ECT2L: variants seen among roughly 807,000 people sequenced by gnomAD.
The protein encoded by ECT2L is epithelial cell-transforming sequence 2 oncogene-like.
Under a neutral mutation model 122.8 loss-of-function variants are expected in ECT2L, and 126 were observed. The observed-to-expected ratio is 1.03, with a 90% CI of 0.89 to 1.19. ECT2L has a LOEUF of 1.19. Among genes scored for constraint, ECT2L ranks in the 50% most tolerant of loss-of-function variants. The probability of loss-of-function intolerance (pLI) is 0.00; values close to 1 mark genes in which losing one functional copy is unlikely to be tolerated. For synonymous variants in ECT2L, 385 were observed against 381.8 expected (o/e 1.01, Z -0.10); for missense variants, 1,012 against 1,064.1 (o/e 0.95, Z 0.68).
intron 4 of ECT2L, among the ~76,000 whole-genome samples, chr6:138,825,919 TGA>T (rs1776432166): frequency 6.6e-6 from 1 of 152,224 alleles, no homozygotes; most frequent in Non-Finnish European, 1.5e-5. Context: ...AACACCCAGT[TGA>T]ACTTATCGCC....
At chr6:138,897,719 G>T (rs1226851219) in intron 20 of ECT2L, among the ~76,000 whole-genome samples, 1 of 152,134 alleles carries the variant, frequency 6.6e-6, no homozygotes, top group African/African-American at 2.4e-5. Context: ...CTCATTGTGT[G>T]TTTCTTTCCC....
chr6:138,868,305 A>G (rs1442418490), intron 13 of ECT2L, 99 bp downstream of exon 13: 3 of 949,462 alleles, frequency 3.2e-6, no homozygotes, highest in African/African-American at 1.7e-5. Flanking sequence ...TATCCCTTTC[A>G]GAGCACAGTT....
At chr6:138,870,068 T>C (rs1778195688) in intron 13 of ECT2L, 1 of 152,434 alleles carries the variant, frequency 6.6e-6, no homozygotes, top group Non-Finnish European at 1.5e-5. Context: ...GTCAATTAAT[T>C]AGGTAGAAAG....
intron 12 of ECT2L, among the ~76,000 whole-genome samples, chr6:138,865,435 T>C (rs1283739513): frequency 6.6e-6 from 1 of 152,216 alleles, no homozygotes; most frequent in African/African-American, 2.4e-5. Context: ...TTGTCACTTA[T>C]TTACCTAGAC....
intron 1 of ECT2L, among the ~76,000 whole-genome samples, chr6:138,811,347 TGAG>T (rs1223687769): frequency 6.6e-6 from 1 of 152,240 alleles, no homozygotes; most frequent in African/African-American, 2.4e-5. Context: ...GGGCCTTCAG[TGAG>T]ACTGCAGTCC....
At chr6:138,836,175 A>G (rs989174141) in intron 4 of ECT2L, among the ~76,000 whole-genome samples, 2 of 152,130 alleles carry the variant, frequency 1.3e-5, no homozygotes, top group African/African-American at 4.8e-5. Context: ...CTTAATTTAT[A>G]TTTAATAAGC....
intron 1 of ECT2L, among the ~76,000 whole-genome samples, chr6:138,807,635 T>A (rs571114072): frequency 5.1e-4 from 78 of 152,352 alleles, no homozygotes; most frequent in African/African-American, 1.7e-3. Context: ...GATACCAATT[T>A]TTTTTGTTAT....
intron 10 of ECT2L, among the ~76,000 whole-genome samples, chr6:138,860,117 G>A (rs1476188790): frequency 3.9e-5 from 6 of 152,094 alleles, no homozygotes; most frequent in African/African-American, 9.7e-5. Context: ...GAGCCACCGC[G>A]CCCAGCCTGA....
At chr6:138,837,641 C>A (rs962957554) in intron 4 of ECT2L, among the ~76,000 whole-genome samples, 31 of 142,780 alleles carry the variant, frequency 2.2e-4, no homozygotes, top group African/African-American at 2.6e-4. Context: ...GCACTGGTCT[C>A]AAAAAAAAAA....
At chr6:138,881,744 G>A (rs1778653952) in intron 15 of ECT2L, among the ~76,000 whole-genome samples, 1 of 151,950 alleles carries the variant, frequency 6.6e-6, no homozygotes, top group Admixed American at 6.6e-5. Context: ...CATAGTGTTT[G>A]CACTCCTATG....
At chr6:138,893,185 GTTTT>G (rs376508418) in intron 20 of ECT2L, among the ~76,000 whole-genome samples, 2 of 122,728 alleles carry the variant, frequency 1.6e-5, no homozygotes, top group East Asian at 2.9e-4. Context: ...TTTTTTTTTT[GTTTT>G]TTTTTGTTTT....
At chr6:138,800,016 G>A (rs1330435537) in intron 1 of ECT2L, among the ~76,000 whole-genome samples, 1 of 152,070 alleles carries the variant, frequency 6.6e-6, no homozygotes, top group East Asian at 1.9e-4. Context: ...TTTATTACAC[G>A]CCCCCCTCCC....
At chr6:138,867,098 C>CA (rs1232511845) in intron 12 of ECT2L, among the ~76,000 whole-genome samples, 2 of 149,808 alleles carry the variant, frequency 1.3e-5, no homozygotes, top group African/African-American at 2.5e-5. Context: ...AACAAAAAAA[C>CA]AAAAAAACAA....
chr6:138,808,982 C>T lies in ECT2L; in HGVS notation c.-243-3856C>T, dbSNP rs185627141. Among the ~76,000 whole-genome samples, 7 of 152,298 alleles carry T rather than the reference C, an allele frequency of 4.6e-5. No individual in the cohort carries two copies. The East Asian group carries it at 1.2e-3, about 25-fold the overall frequency. ...CCTCAAGTGATCCACCTGCCTTGGC[C>T]TCCCAAAGTGTTGGGATTACAGGCG... On this transcript the variant is annotated intron_variant, in intron 1 of 21. Coordinates refer to ENST00000541398, the MANE Select transcript of ECT2L (RefSeq NM_001077706.3).
chr6:138,831,379 G>C (rs1371287494), intron 4 of ECT2L, among the ~76,000 whole-genome samples: 1 of 152,134 alleles, frequency 6.6e-6, no homozygotes, highest in Non-Finnish European at 1.5e-5. Flanking sequence ...GGCATCCAAG[G>C]CCCTGCAGGG....
chr6:138,844,842 C>A (rs1777167709), intron 7 of ECT2L, among the ~76,000 whole-genome samples: 1 of 134,740 alleles, frequency 7.4e-6, no homozygotes, highest in Non-Finnish European at 1.5e-5. Context: ...ATTGCGCAGG[C>A]TGGTGTCAAA....
Position 138,844,453 on chromosome 6 carries a change from T to C in ECT2L, c.637T>C (p.Cys213Arg). Residue 213 changes from cysteine to arginine, a missense_variant, in exon 7 of 22, where the codon TGC becomes CGC. Physicochemically the swap from Cys to Arg is radical, Grantham distance 180. Transcript: ENST00000541398. ...KVRPPWVSGT[C>R]CSSVLKPRCQ... is the part of the protein sequence containing the mutation. Reference sequence around the variant, plus strand: ...TCGACCCCCTTGGGTGAGTGGAACTTGCTGCTCTAGCGTGCTAAAGCCCAG... The same window carrying C: ...TCGACCCCCTTGGGTGAGTGGAACTCGCTGCTCTAGCGTGCTAAAGCCCAG... 6.2e-7 allele frequency: 1 copy of C among 1,614,182 alleles called. No individual in the cohort carries two copies. The highest frequency in any genetic ancestry group is 8.5e-7 in the Non-Finnish European group (1 of 1,180,012).
In ECT2L at chr6:138,900,952, T is replaced by A; in HGVS notation, c.2419T>A (p.Tyr807Asn). The A allele has an allele frequency of 6.2e-7, 1 of 1,613,810 alleles. No homozygotes were observed. Among genetic ancestry groups the A allele is most frequent in the Non-Finnish European group, 8.5e-7 (1 of 1,179,900 alleles). Residue 807 changes from tyrosine (Y) to asparagine (N), a missense_variant, in exon 21 of 22, where the codon TAT (tyrosine) becomes AAT (asparagine). Physicochemically the swap from Tyr to Asn is moderately radical, Grantham distance 143. Transcript: ENST00000541398. ...ACCTTCTCCATTTTAACACAGGCTCTATGAACACATCCATGATCTCAGCCT... is the reference window on the plus strand; with the variant it reads ...ACCTTCTCCATTTTAACACAGGCTCAATGAACACATCCATGATCTCAGCCT... ...DEEISFSLRL[Y>N]EHIHDLSLFL...
intron 4 of ECT2L, among the ~76,000 whole-genome samples, chr6:138,825,831 C>A (rs909454713): frequency 6.6e-6 from 1 of 152,204 alleles, no homozygotes; most frequent in African/African-American, 2.4e-5. Flanking sequence ...CATGCTTCTT[C>A]ATTTCCTTTA....
Sources: gnomAD v4.1 joint callset for allele counts (sites outside exome capture counted in the v4.1 genomes callset) on GRCh38, gnomAD v4.1.1 for gene constraint, MANE v1.5 for transcripts, NCBI Gene and HGNC (gene_info 2026-07-23, HGNC 2026-07-21) for gene names.